Variants in GMDS observed in about 807,000 individuals in gnomAD.
The protein encoded by GMDS is GDP-mannose 4,6 dehydratase.
A neutral mutation model predicts 49.9 loss-of-function variants in GMDS; 20 were observed. That is an observed-to-expected ratio of 0.40 (90% confidence interval 0.28 to 0.58). The LOEUF is 0.58. Ranked by LOEUF, GMDS falls within the 20% of genes least tolerant of loss-of-function variation. The pLI is 0.42. For synonymous variants in GMDS, 177 were observed against 178.6 expected, an observed-to-expected ratio of 0.99 and a Z score of 0.07; for missense variants, 362 against 481.4, an observed-to-expected ratio of 0.75 and a Z score of 2.32.
intron 7 of GMDS, among the ~76,000 whole-genome samples, chr6:1,763,669 T>C (rs1434030110): frequency 6.6e-6 from 1 of 152,210 alleles, no homozygotes; most frequent in Non-Finnish European, 1.5e-5. Context: ...TTTCTAACAG[T>C]AAAATGGATT....
At chr6:1,930,315 T>C (rs2127239520) in intron 6 of GMDS, 85 bp from the exon 7 acceptor site, 3 of 1,115,468 alleles carry the variant, frequency 2.7e-6, no homozygotes, top group East Asian at 2.4e-5. Flanking sequence ...TTTCGGCCTC[T>C]GGGCATTTCT....
chr6:1,652,416 T>A (rs866391155), intron 9 of GMDS, among the ~76,000 whole-genome samples: 2,150 of 22,184 alleles, frequency 0.097, 445 homozygotes, highest in African/African-American at 0.17. Flanking sequence ...ATATTATATA[T>A]AATATATATA....
chr6:1,930,121 A>G lies in GMDS; in HGVS notation c.753T>C (p.His251=), dbSNP rs1396601381. Residue 251 remains histidine (H), a synonymous_variant, in exon 7 of 11, where the codon CAT becomes CAC. Coordinates refer to ENST00000380815, the MANE Select transcript of GMDS (RefSeq NM_001500.4). The stretch of plus-strand genomic sequence containing the variant: ...TTCCTACCTCCACATAGTCCTTGGC[A>G]TGGCCCCAATCTCGTTTGGCATCCA... ...GNLDAKRDWG[H]AKDYVEAMWL... 4 of 1,612,530 alleles carry G rather than the reference A, an allele frequency of 2.5e-6. No homozygotes were observed. In the African/African-American group the frequency reaches 5.3e-5, roughly 22 times the overall value.
intron 4 of GMDS, among the ~76,000 whole-genome samples, chr6:1,978,091 G>A (rs749760629): frequency 1.3e-5 from 2 of 152,312 alleles, no homozygotes; most frequent in Non-Finnish European, 2.9e-5. Flanking sequence ...CGGAGCCCAC[G>A]GAGAGAGGGG....
intron 1 of GMDS, among the ~76,000 whole-genome samples, chr6:2,148,036 G>T (rs1214954432): frequency 6.6e-6 from 1 of 151,912 alleles, no homozygotes; most frequent in African/African-American, 2.4e-5. Flanking sequence ...TCAAAGTGCG[G>T]CACCCATACC....
chr6:1,790,579 A>T (rs1258752350), intron 7 of GMDS, among the ~76,000 whole-genome samples: 1 of 152,242 alleles, frequency 6.6e-6, no homozygotes, highest in African/African-American at 2.4e-5. Context: ...GAAGTTTCCA[A>T]ATTTTCCAAC....
chr6:2,030,949 AAATT>A (rs749634232), intron 4 of GMDS, among the ~76,000 whole-genome samples: 5 of 152,200 alleles, frequency 3.3e-5, no homozygotes, highest in African/African-American at 4.8e-5. Context: ...TAAACAAAAT[AAATT>A]ATTACTGTAT....
At chr6:1,972,101 T>G (rs1299856448) in intron 4 of GMDS, among the ~76,000 whole-genome samples, 1 of 152,220 alleles carries the variant, frequency 6.6e-6, no homozygotes, top group Non-Finnish European at 1.5e-5. Flanking sequence ...TGGTCACAAT[T>G]CTTTGCCACT....
rs914866347 is a variant in GMDS at position 1,837,197 on chromosome 6, C to T, written c.771+92906G>A. ...CCACATGTTCAGATGATAAGATAAA[C>T]CTGGGAAAGTACAAGATTCTTAAAT... On this transcript the variant is annotated intron_variant, in intron 7 of 10. Coordinates refer to ENST00000380815, the MANE Select transcript of GMDS (RefSeq NM_001500.4). 3.3e-5 allele frequency among the ~76,000 whole-genome samples: 5 copies of T among 152,074 alleles called. No individual in the cohort carries two copies. The South Asian group carries it at 6.2e-4, about 19-fold the overall frequency.
chr6:1,861,086 G>A (rs1758160808), intron 7 of GMDS, among the ~76,000 whole-genome samples: 1 of 152,204 alleles, frequency 6.6e-6, no homozygotes, highest in African/African-American at 2.4e-5. Flanking sequence ...TCCAGTTAGT[G>A]CACTGTTAAA....
intron 9 of GMDS, among the ~76,000 whole-genome samples, chr6:1,690,082 G>C (rs1765122894): frequency 6.6e-6 from 1 of 152,152 alleles, no homozygotes; most frequent in Non-Finnish European, 1.5e-5. Flanking sequence ...TCCAGCCTGG[G>C]AGACAGAGTA....
Position 1,742,493 on chromosome 6 carries a change from AT to A in GMDS, c.864del (p.Phe289SerfsTer29), listed in dbSNP as rs1450988603. On this transcript the variant is annotated frameshift_variant, in exon 8 of 11. Coordinates refer to ENST00000380815, the MANE Select transcript of GMDS (RefSeq NM_001500.4). LOFTEE classifies it high-confidence loss of function. The stretch of plus-strand genomic sequence containing the variant: ...ACAATGGTTTTTCCAATGTGCAAGA[AT>A]GATTTCTCGACAAATTCCCGGACAC... Reference protein sequence around the residue: ...VHSVREFVEKSFLHIGKTIVW... With the variant: ...VHSVREFVEKXFLHIGKTIVW... 6.2e-7 allele frequency: 1 copy of A among 1,605,684 alleles called. No individual in the cohort carries two copies. Among genetic ancestry groups the A allele is most frequent in the South Asian group, 1.1e-5 (1 of 90,896 alleles).
At chr6:2,111,130 A>G (rs1287349872) in intron 4 of GMDS, among the ~76,000 whole-genome samples, 1 of 152,214 alleles carries the variant, frequency 6.6e-6, no homozygotes, top group Non-Finnish European at 1.5e-5. Context: ...GGACGAATCG[A>G]AAATCCGGAC....
At chr6:1,739,489 G>T (rs939952433) in intron 8 of GMDS, among the ~76,000 whole-genome samples, 1 of 152,220 alleles carries the variant, frequency 6.6e-6, no homozygotes, top group African/African-American at 2.4e-5. Context: ...CTGCTCCCCC[G>T]CATTCAAACA....
intron 9 of GMDS, among the ~76,000 whole-genome samples, chr6:1,707,965 C>G (rs1410978213): frequency 6.6e-6 from 1 of 152,156 alleles, no homozygotes; most frequent in African/African-American, 2.4e-5. Context: ...GCACCAAAGA[C>G]TTCACAAACT....
In GMDS at chr6:1,916,302, G is replaced by A. The variant is rs559619530; in HGVS notation, c.771+13801C>T. On this transcript the variant is annotated intron_variant, in intron 7 of 10. Coordinates refer to ENST00000380815, the MANE Select transcript of GMDS (RefSeq NM_001500.4). ...CTGAAGGAAAATGGGGCGTCTGCCA[G>A]CTGCTCACCAGGCTCTATCAACCCT... 2.0e-5 allele frequency among the ~76,000 whole-genome samples: 3 copies of A among 152,262 alleles called. No homozygotes were observed. The East Asian group carries it at 5.8e-4, about 29-fold the overall frequency.
In GMDS at chr6:2,211,317, G is replaced by A. The variant is rs140921978; in HGVS notation, c.102+34004C>T. On this transcript the variant is annotated intron_variant, in intron 1 of 10. Transcript: ENST00000380815. ...TGACGTCTGGGGCCATGTCTACCAC[G>A]TTCATTCCCACCTGAACATAGTGGG... Among the ~76,000 whole-genome samples, 5 of 152,228 alleles carry A rather than the reference G, an allele frequency of 3.3e-5. No homozygotes were observed. The East Asian group carries it at 9.6e-4, about 29-fold the overall frequency.
chr6:2,066,950 ACAGAATATACATTTTTTT>A (rs1201544047), intron 4 of GMDS, among the ~76,000 whole-genome samples: 1 of 151,978 alleles, frequency 6.6e-6, no homozygotes, highest in East Asian at 1.9e-4. Flanking sequence ...CCCCAAATCA[ACAGAATATACATTTTTTT>A]CAGCACCACA....
intron 7 of GMDS, among the ~76,000 whole-genome samples, chr6:1,750,812 A>C (rs1767693021): frequency 6.6e-6 from 1 of 152,174 alleles, no homozygotes; most frequent in African/African-American, 2.4e-5. Flanking sequence ...CAGCAAGCTA[A>C]GATCCGCTGG....
Sources: gnomAD v4.1 joint callset for allele counts (sites outside exome capture counted in the v4.1 genomes callset) on GRCh38, gnomAD v4.1.1 for gene constraint, MANE v1.5 for transcripts, NCBI Gene and HGNC (gene_info 2026-07-23, HGNC 2026-07-21) for gene names.